Variants in CDH9 observed in about 807,000 individuals in gnomAD.
CDH9 encodes cadherin-9.
In CDH9, 28 loss-of-function variants were observed where a neutral mutation model predicts 70.9. The ratio of observed to expected loss-of-function variants is 0.40; its 90% CI spans 0.29 to 0.54. The LOEUF is 0.54. CDH9 is among the 20% of genes least tolerant of loss of function. The pLI is 0.59. For synonymous variants in CDH9, 409 were observed against 343.1 expected (o/e 1.19, Z -2.12); for missense variants, 874 against 984.4 (o/e 0.89, Z 1.50).
intron 7 of CDH9, among the ~76,000 whole-genome samples, chr5:26,899,209 T>TA (rs1252007978): frequency 6.6e-6 from 1 of 152,162 alleles, no homozygotes; most frequent in African/African-American, 2.4e-5. Flanking sequence ...GGAACACTTT[T>TA]ACACTGTTGG....
Position 26,881,639 on chromosome 5 carries a change from G to A in CDH9, c.1883-16C>T, listed in dbSNP as rs1180818989. ...ACGACTAAAACTATTAATAAGAAAT[G>A]GGAAAATAGTGAGATTTCATGAGTC... On this transcript the variant is annotated splice_polypyrimidine_tract_variant and intron_variant, in intron 11 of 11. Transcript: ENST00000231021. The A allele has an allele frequency of 6.3e-7, 1 of 1,588,570 alleles. No individual in the cohort carries two copies.
chr5:26,977,978 A>G (rs1035340144), intron 2 of CDH9, among the ~76,000 whole-genome samples: 8 of 152,118 alleles, frequency 5.3e-5, no homozygotes, highest in Non-Finnish European at 8.8e-5. Context: ...TAAACAAAAT[A>G]ATAGCCTGCC....
At chr5:26,914,497 C>G (rs1337694860) in intron 3 of CDH9, among the ~76,000 whole-genome samples, 2 of 152,010 alleles carry the variant, frequency 1.3e-5, no homozygotes, top group Non-Finnish European at 2.9e-5. Flanking sequence ...GGACTCCTGT[C>G]TAATTTGATA....
At chr5:27,026,055 C>T (rs897538731) in intron 1 of CDH9, among the ~76,000 whole-genome samples, 4 of 151,902 alleles carry the variant, frequency 2.6e-5, no homozygotes, top group Non-Finnish European at 5.9e-5. Flanking sequence ...GCTGCTTGAA[C>T]TCTCTGTTTG....
Position 26,915,943 on chromosome 5 carries a change from G to T in CDH9, c.229-19C>A. The T allele has an allele frequency of 6.5e-7, 1 of 1,536,724 alleles. No individual in the cohort carries two copies. Among genetic ancestry groups the T allele is most frequent in the East Asian group, 2.3e-5 (1 of 44,320 alleles). On this transcript the variant is annotated intron_variant, in intron 2 of 11. Coordinates refer to ENST00000231021, the MANE Select transcript of CDH9 (RefSeq NM_016279.4). The stretch of plus-strand genomic sequence containing the variant: ...TGTGAAGCTTTAGAGAGGTAGAAAA[G>T]AAGAGTTCTGTAAATATATACATTA...
chr5:27,000,094 A>C (rs1202975147), intron 1 of CDH9, among the ~76,000 whole-genome samples: 2 of 152,182 alleles, frequency 1.3e-5, no homozygotes, highest in African/African-American at 4.8e-5. Flanking sequence ...GAGAATGGAA[A>C]GATAAGGCAG....
At chr5:26,963,022 T>C (rs758299634) in intron 2 of CDH9, among the ~76,000 whole-genome samples, 1 of 152,178 alleles carries the variant, frequency 6.6e-6, no homozygotes, top group Non-Finnish European at 1.5e-5. Flanking sequence ...AGTGGTTTTA[T>C]AAAACTATAA....
At chr5:26,888,435 G>A (rs948808131) in intron 9 of CDH9, among the ~76,000 whole-genome samples, 13 of 151,860 alleles carry the variant, frequency 8.6e-5, no homozygotes, top group Admixed American at 3.3e-4. Context: ...CCATTAAGAA[G>A]GTAATAATTG....
chr5:26,989,514 C>G (rs1236166625), intron 1 of CDH9, among the ~76,000 whole-genome samples: 2 of 150,774 alleles, frequency 1.3e-5, no homozygotes, highest in South Asian at 2.1e-4. Context: ...CTCTGTCTCT[C>G]TCTCTCTCTC....
At chr5:26,975,221 C>T (rs1471654710) in intron 2 of CDH9, among the ~76,000 whole-genome samples, 1 of 152,128 alleles carries the variant, frequency 6.6e-6, no homozygotes, top group East Asian at 1.9e-4. Context: ...AATAGACTTG[C>T]GAGATCTAGA....
chr5:26,921,753 G>A (rs1234453717), intron 2 of CDH9, among the ~76,000 whole-genome samples: 1 of 152,002 alleles, frequency 6.6e-6, no homozygotes, highest in East Asian at 1.9e-4. Flanking sequence ...TCTCTTTGCC[G>A]AATTCCTTCT....
At chr5:27,003,631 G>A (rs1056916093) in intron 1 of CDH9, among the ~76,000 whole-genome samples, 4 of 151,894 alleles carry the variant, frequency 2.6e-5, no homozygotes, top group Non-Finnish European at 4.4e-5. Context: ...AACAAAAAAC[G>A]AGGAAATTCC....
rs1742127270 is a variant in CDH9, at chr5:26,966,252, A to G, written c.228+21854T>C. On this transcript the variant is annotated intron_variant, in intron 2 of 11. Transcript: ENST00000231021. ...TTCCAGCCCTGAAGTTCCTCATGAG[A>G]TTGACTCTGGCAAGTGTATTACATT... Among the ~76,000 whole-genome samples the G allele has an allele frequency of 1.3e-5, 2 of 152,034 alleles. 1 individual carries two copies. Among genetic ancestry groups the G allele is most frequent in the Admixed American group, 1.3e-4 (2 of 15,256 alleles).
chr5:27,023,797 A>G lies in CDH9; in HGVS notation c.-50+14666T>C, dbSNP rs983585597. The stretch of plus-strand genomic sequence containing the variant: ...CCAGGCATGGTGGCTCAAGCCTGTA[A>G]TCACAGCACTTTGGGAGGCTGAGGC... On this transcript the variant is annotated intron_variant, in intron 1 of 11. Coordinates refer to ENST00000231021, the MANE Select transcript of CDH9 (RefSeq NM_016279.4). Among the ~76,000 whole-genome samples, 73 of 152,116 alleles carry G rather than the reference A, an allele frequency of 4.8e-4. 1 individual carries two copies. The highest frequency in any genetic ancestry group is 3.2e-3 in the Middle Eastern group (1 of 316).
rs766422475 is a variant in CDH9 at position 26,881,437 on chromosome 5, C to T, written c.2069G>A (p.Arg690Gln). 5.6e-6 allele frequency: 9 copies of T among 1,613,288 alleles called. No individual in the cohort carries two copies. Among genetic ancestry groups the T allele is most frequent in the South Asian group, 5.5e-5 (5 of 91,074 alleles). ...PEAREDSKLR[R>Q]DVMPETIFQI... The stretch of plus-strand genomic sequence containing the variant: ...AAAAATAGTTTCAGGCATTACATCC[C>T]GTCTAAGTTTACTGTCTTCTCTTGC... Residue 690 changes from arginine (R) to glutamine (Q), a missense_variant, in exon 12 of 12, where the codon CGG (arginine) becomes CAG (glutamine). Coordinates refer to ENST00000231021, the MANE Select transcript of CDH9 (RefSeq NM_016279.4).
In CDH9 at chr5:26,937,147, A is replaced by G. The variant is rs1032307742; in HGVS notation, c.229-21223T>C. Among the ~76,000 whole-genome samples, 4 of 144,728 alleles carry G rather than the reference A, an allele frequency of 2.8e-5. No homozygotes were observed. In the Admixed American group the frequency reaches 2.9e-4, roughly 10 times the overall value. The allele number at this position is 144,728 out of a possible 152,430, so 94.9% of individuals were successfully genotyped here. ...TAGCCAAACACACATGTGGCAAAAG[A>G]CTTGTATCCAAAATGTACAAAGAAC... On this transcript the variant is annotated intron_variant, in intron 2 of 11. Transcript: ENST00000231021.
chr5:26,969,655 A>G (rs1742184469), intron 2 of CDH9, among the ~76,000 whole-genome samples: 1 of 152,024 alleles, frequency 6.6e-6, no homozygotes, highest in Admixed American at 6.6e-5. Context: ...TGTGAAACTG[A>G]AATGTCACAG....
intron 9 of CDH9, among the ~76,000 whole-genome samples, chr5:26,888,457 T>C (rs1041645558): frequency 2.6e-5 from 4 of 151,916 alleles, no homozygotes; most frequent in African/African-American, 9.7e-5. Context: ...ATAAGTAATA[T>C]GTAACTATGT....
chr5:26,907,757 T>C (rs1740975605), intron 3 of CDH9, among the ~76,000 whole-genome samples: 1 of 152,080 alleles, frequency 6.6e-6, no homozygotes, highest in Admixed American at 6.6e-5. Context: ...AGGTTTGCCC[T>C]TGGACAAAGC....
Sources: allele counts gnomAD v4.1 joint callset (sites outside exome capture counted in the v4.1 genomes callset), GRCh38; gene constraint gnomAD v4.1.1; transcripts MANE v1.5; gene names NCBI Gene and HGNC (gene_info 2026-07-23, HGNC 2026-07-21).